SLC14A2: variants seen among roughly 807,000 people sequenced by gnomAD.
SLC14A2 encodes solute carrier family 14 member 2.
SLC14A2 carries 91 observed loss-of-function variants against 104.6 expected under a neutral mutation model. That is an observed-to-expected ratio of 0.87 (90% CI 0.73 to 1.04). The LOEUF is 1.04. Ranked by LOEUF, SLC14A2 falls within the 50% of genes least tolerant of loss-of-function variation. The pLI, the probability that SLC14A2 is intolerant of heterozygous loss-of-function variation, is 0.00. For missense variants in SLC14A2, 1,189 were observed against 1,156.0 expected (o/e 1.03, Z -0.41); for synonymous variants, 476 against 466.4 (o/e 1.02, Z -0.27).
At position 45,596,038 on chromosome 18, in the gene SLC14A2, G is replaced by C. The variant is rs977552689; in HGVS notation, c.-34-28593G>C. On this transcript the variant is annotated intron_variant, in intron 2 of 20. Transcript: ENST00000586448. ...CAAGAAAAAGAAAACCACCCAGTAC[G>C]GACTGGAGGAAAGCATCTGTTCCAT... Among the ~76,000 whole-genome samples the C allele has an allele frequency of 2.0e-5, 3 of 152,120 alleles. No individual in the cohort carries two copies. The South Asian group carries it at 6.2e-4, about 32-fold the overall frequency.
chr18:45,429,432 G>A (rs187800588), intron 1 of SLC14A2, among the ~76,000 whole-genome samples: 4 of 152,254 alleles, frequency 2.6e-5, no homozygotes. Context: ...GAAGCAAATT[G>A]GCAGGGCACA....
chr18:45,338,682 C>CAAAAAAAAAAAAAA (rs59474827), intron 1 of SLC14A2, among the ~76,000 whole-genome samples: 1 of 51,854 alleles, frequency 1.9e-5, no homozygotes, highest in African/African-American at 7.8e-5. Context: ...CACTGGCTCA[C>CAAAAAAAAAAAAAA]AAAAAAAAAA....
chr18:45,351,873 A>G (rs948963174), intron 1 of SLC14A2, among the ~76,000 whole-genome samples: 10 of 152,180 alleles, frequency 6.6e-5, no homozygotes, highest in Admixed American at 6.5e-4. Flanking sequence ...GAACACTTGG[A>G]TTCAAATATC....
chr18:45,321,808 G>C (rs1420034181), intron 1 of SLC14A2, among the ~76,000 whole-genome samples: 1 of 152,208 alleles, frequency 6.6e-6, no homozygotes, highest in East Asian at 1.9e-4. Context: ...AAAGAGCAGA[G>C]GGACATTTGG....
At chr18:45,509,158 C>T (rs1377589625) in intron 2 of SLC14A2, among the ~76,000 whole-genome samples, 1 of 152,110 alleles carries the variant, frequency 6.6e-6, no homozygotes, top group Admixed American at 6.6e-5. Flanking sequence ...GGATACCTTG[C>T]CCAGTCTTAC....
chr18:45,176,416 G>A, the SLC14A2 span, among the ~76,000 whole-genome samples: 1 of 152,150 alleles, frequency 6.6e-6, no homozygotes, highest in Non-Finnish European at 1.5e-5. Flanking sequence ...CCTTTCTCTG[G>A]TTGAGAAACA....
rs79074568 is a variant in SLC14A2, at chr18:45,428,686, G to T, written c.-124-54547G>T. Among the ~76,000 whole-genome samples the T allele has an allele frequency of 3.3e-4, 50 of 152,344 alleles. 1 individual carries two copies. The East Asian group carries it at 8.1e-3, about 25-fold the overall frequency. On this transcript the variant is annotated intron_variant, in intron 1 of 20. Coordinates refer to the SLC14A2 transcript ENST00000586448. ...AGTGACATGTCATCTGGGTAGAGAG[G>T]TGAGCAGAAGGAAATAGCAAGTTTA...
At chr18:45,533,693 T>A (rs1265666755) in intron 2 of SLC14A2, among the ~76,000 whole-genome samples, 1 of 152,208 alleles carries the variant, frequency 6.6e-6, no homozygotes, top group Non-Finnish European at 1.5e-5. Flanking sequence ...TGTGTCTCTA[T>A]TTCCTTCAGT....
chr18:45,636,754 A>G (rs186889649), intron 5 of SLC14A2, among the ~76,000 whole-genome samples: 1 of 152,198 alleles, frequency 6.6e-6, no homozygotes, highest in Non-Finnish European at 1.5e-5. Context: ...TCAGAGGTGT[A>G]AGCTTATGAA....
chr18:45,508,530 T>G lies in SLC14A2; in HGVS notation c.-35+25208T>G, dbSNP rs561025416. On this transcript the variant is annotated intron_variant, in intron 2 of 20. Coordinates refer to the SLC14A2 transcript ENST00000586448. ...TTCCTTAGCCATGTGGAACTGTAAC[T>G]CCATTAAACCTCTTTGTTATGTAAA... 1.6e-4 allele frequency among the ~76,000 whole-genome samples: 24 copies of G among 152,362 alleles called. 1 individual carries two copies. The highest frequency in any genetic ancestry group is 1.3e-3 in the Admixed American group (20 of 15,300).
intron 1 of SLC14A2, among the ~76,000 whole-genome samples, chr18:45,358,457 G>A (rs1012024505): frequency 2.0e-5 from 3 of 152,120 alleles, no homozygotes; most frequent in African/African-American, 7.2e-5. Context: ...GTACCTCCTT[G>A]GGTTCAGATG....
chr18:45,565,287 G>A (rs1014603628), intron 2 of SLC14A2, among the ~76,000 whole-genome samples: 2 of 152,010 alleles, frequency 1.3e-5, no homozygotes, highest in African/African-American at 4.8e-5. Flanking sequence ...ACCAAGCCCT[G>A]CTAATTTTTT....
chr18:45,174,749 GAGA>G, the SLC14A2 span, among the ~76,000 whole-genome samples: 1 of 152,132 alleles, frequency 6.6e-6, no homozygotes, highest in Non-Finnish European at 1.5e-5. Context: ...CAGGGGACAG[GAGA>G]AGGACTGGAC....
intron 1 of SLC14A2, among the ~76,000 whole-genome samples, chr18:45,303,647 G>T (rs570956403): frequency 1.8e-4 from 28 of 152,302 alleles, no homozygotes; most frequent in Admixed American, 9.1e-4. Context: ...TTGTATTTTT[G>T]ATATTCATGG....
chr18:45,359,064 GA>G, intron 1 of SLC14A2, among the ~76,000 whole-genome samples: 1 of 152,288 alleles, frequency 6.6e-6, no homozygotes, highest in South Asian at 2.1e-4. Context: ...GAGTTTTGGG[GA>G]GAGTCAGATG....
intron 10 of SLC14A2, among the ~76,000 whole-genome samples, chr18:45,649,755 G>T (rs2045698146): frequency 6.6e-6 from 1 of 152,216 alleles, no homozygotes; most frequent in Non-Finnish European, 1.5e-5. Flanking sequence ...TCCCCTCAGT[G>T]GTCTCTAGAT....
At chr18:45,390,444 G>T (rs913852242) in intron 1 of SLC14A2, among the ~76,000 whole-genome samples, 2 of 152,150 alleles carry the variant, frequency 1.3e-5, no homozygotes, top group Non-Finnish European at 2.9e-5. Context: ...GTTTACCAGT[G>T]TTGTCTGCCC....
At chr18:45,257,398 C>A (rs534088418) in intron 1 of SLC14A2, among the ~76,000 whole-genome samples, 1 of 152,302 alleles carries the variant, frequency 6.6e-6, no homozygotes, top group South Asian at 2.1e-4. Context: ...CTAATGCATA[C>A]CTTATGGCCC....
chr18:45,497,603 T>C (rs2043122533), intron 2 of SLC14A2, among the ~76,000 whole-genome samples: 1 of 152,208 alleles, frequency 6.6e-6, no homozygotes, highest in African/African-American at 2.4e-5. Flanking sequence ...CCAGCTTTGA[T>C]GTATGCCCTG....
Sources: gnomAD v4.1 joint callset for allele counts (sites outside exome capture counted in the v4.1 genomes callset) on GRCh38, gnomAD v4.1.1 for gene constraint, MANE v1.5 for transcripts, NCBI Gene and HGNC (gene_info 2026-07-23, HGNC 2026-07-21) for gene names.